Variants in FHOD3 observed in about 807,000 individuals in gnomAD.
FHOD3 encodes the protein formin homology 2 domain containing 3, also known as FH1/FH2 domain-containing protein 3.
Under a neutral mutation model 173.0 loss-of-function variants are expected in FHOD3, and 90 were observed. That is an observed-to-expected ratio of 0.52 (90% CI 0.44 to 0.62). The LOEUF (loss-of-function observed/expected upper bound fraction) is 0.62. FHOD3 is among the 20% of genes least tolerant of loss of function. The pLI, the probability that FHOD3 is intolerant of heterozygous loss-of-function variation, is 0.00. For missense variants in FHOD3, 1,945 were observed against 2,034.7 expected, an observed-to-expected ratio of 0.96 and a Z score of 0.85; for synonymous variants, 828 against 823.0, an observed-to-expected ratio of 1.01 and a Z score of -0.10.
intron 20 of FHOD3, among the ~76,000 whole-genome samples, chr18:36,734,358 A>G (rs1274037182): frequency 2.0e-5 from 3 of 152,176 alleles, no homozygotes; most frequent in Non-Finnish European, 2.9e-5. Flanking sequence ...GCCTCTACCC[A>G]TTAGATGCCA....
chr18:36,688,440 A>T (rs2149462540), intron 16 of FHOD3, among the ~76,000 whole-genome samples: 1 of 152,344 alleles, frequency 6.6e-6, no homozygotes, highest in Non-Finnish European at 1.5e-5. Flanking sequence ...CAACCTCTTA[A>T]ATAAAATGAT....
At chr18:36,564,195 C>T (rs895752443) in intron 5 of FHOD3, among the ~76,000 whole-genome samples, 1 of 152,208 alleles carries the variant, frequency 6.6e-6, no homozygotes, top group East Asian at 1.9e-4. Context: ...GTGGCTGTGA[C>T]CTGTTTTGGA....
intron 9 of FHOD3, 49 bp downstream of exon 9, chr18:36,612,144 C>A: frequency 6.3e-7 from 1 of 1,584,830 alleles, no homozygotes; most frequent in Non-Finnish European, 8.6e-7. Flanking sequence ...TGGCAATTGT[C>A]AAAGGCTGAG....
intron 6 of FHOD3, among the ~76,000 whole-genome samples, chr18:36,591,158 C>T (rs1241209061): frequency 6.6e-6 from 1 of 152,218 alleles, no homozygotes; most frequent in Non-Finnish European, 1.5e-5. Context: ...CTTCAACCTC[C>T]AACCGTGTAG....
chr18:36,467,253 C>T (rs538037577), intron 3 of FHOD3, among the ~76,000 whole-genome samples: 5 of 152,154 alleles, frequency 3.3e-5, no homozygotes, highest in African/African-American at 1.2e-4. Context: ...CCAGTCACCT[C>T]CTAGTAATTC....
chr18:36,297,953 G>T lies in FHOD3; in HGVS notation c.118G>T (p.Gly40Cys). ...LFTFREDLAL[G>C]TQLAGVHRLL... is the part of the protein sequence containing the mutation. ...CACGTTCCGCGAGGACCTCGCGCTC[G>T]GCACCCAGCTGGCGGGGGTCCATAG... Residue 40 changes from glycine to cysteine, a missense_variant, in exon 1 of 29, where the codon GGC becomes TGC. Coordinates refer to ENST00000590592, the MANE Select transcript of FHOD3 (RefSeq NM_001281740.3). 6.4e-7 allele frequency: 1 copy of T among 1,566,038 alleles called. No individual in the cohort carries two copies. The highest frequency in any genetic ancestry group is 1.9e-5 in the Admixed American group (1 of 53,936).
chr18:36,743,308 C>CAAAAAAAA (rs57694311), intron 22 of FHOD3, among the ~76,000 whole-genome samples: 1 of 65,874 alleles, frequency 1.5e-5, no homozygotes, highest in Non-Finnish European at 2.7e-5. Context: ...GACTCTGTCT[C>CAAAAAAAA]AAAAAAAAAA....
At chr18:36,420,921 C>G (rs1429640678) in intron 3 of FHOD3, among the ~76,000 whole-genome samples, 1 of 152,124 alleles carries the variant, frequency 6.6e-6, no homozygotes, top group African/African-American at 2.4e-5. Flanking sequence ...GCTGTTGACT[C>G]CTCAGTAGTG....
intron 1 of FHOD3, among the ~76,000 whole-genome samples, chr18:36,328,154 T>C (rs529215105): frequency 6.6e-6 from 1 of 152,292 alleles, no homozygotes; most frequent in East Asian, 1.9e-4. Flanking sequence ...AGGACAAAGT[T>C]CCTGACCGCA....
chr18:36,775,178 A>G (rs771526286), intron 28 of FHOD3, among the ~76,000 whole-genome samples: 10 of 152,206 alleles, frequency 6.6e-5, no homozygotes, highest in Non-Finnish European at 1.0e-4. Context: ...TGCTCCCAGT[A>G]CACCTGGTAG....
chr18:36,415,136 C>T (rs900736971), intron 3 of FHOD3, among the ~76,000 whole-genome samples: 1 of 152,150 alleles, frequency 6.6e-6, no homozygotes, highest in Non-Finnish European at 1.5e-5. Flanking sequence ...GTCGAGTGCC[C>T]ATTTTTCATG....
chr18:36,490,162 A>G (rs1233363909), intron 3 of FHOD3, among the ~76,000 whole-genome samples: 1 of 151,884 alleles, frequency 6.6e-6, no homozygotes, highest in Non-Finnish European at 1.5e-5. Flanking sequence ...AGGACCCTTT[A>G]CTCTCTACCA....
At chr18:36,504,633 A>G (rs1226142020) in intron 4 of FHOD3, among the ~76,000 whole-genome samples, 1 of 152,020 alleles carries the variant, frequency 6.6e-6, no homozygotes, top group Non-Finnish European at 1.5e-5. Flanking sequence ...TAGGAGATAT[A>G]CCTAATGCTA....
chr18:36,682,705 C>T (rs925126277), intron 15 of FHOD3, among the ~76,000 whole-genome samples: 2 of 152,162 alleles, frequency 1.3e-5, no homozygotes, highest in African/African-American at 4.8e-5. Flanking sequence ...GCTTCAGCCT[C>T]CCAAGTAGCT....
chr18:36,496,582 C>T (rs940760890), intron 3 of FHOD3, among the ~76,000 whole-genome samples: 5 of 152,072 alleles, frequency 3.3e-5, no homozygotes, highest in African/African-American at 9.7e-5. Flanking sequence ...CATTTTAAAC[C>T]ACAGTATTGT....
intron 5 of FHOD3, among the ~76,000 whole-genome samples, chr18:36,557,776 T>A (rs1298555832): frequency 6.6e-6 from 1 of 152,232 alleles, no homozygotes; most frequent in African/African-American, 2.4e-5. Context: ...TTTCACACAC[T>A]GTGACTTGTA....
chr18:36,507,488 A>G (rs1324304208), intron 4 of FHOD3, among the ~76,000 whole-genome samples: 1 of 152,208 alleles, frequency 6.6e-6, no homozygotes, highest in Admixed American at 6.5e-5. Context: ...CTCAAACTGT[A>G]TAGAACTTAA....
intron 17 of FHOD3, among the ~76,000 whole-genome samples, chr18:36,694,745 C>T (rs1409316557): frequency 6.6e-6 from 1 of 152,160 alleles, no homozygotes; most frequent in African/African-American, 2.4e-5. Flanking sequence ...TACAGAACAG[C>T]TCCGAGCTGA....
In FHOD3 at chr18:36,612,099, C is replaced by T; in HGVS notation, c.957+4C>T. The T allele has an allele frequency of 6.2e-7, 1 of 1,612,156 alleles. No homozygotes were observed. The highest frequency in any genetic ancestry group is 8.5e-7 in the Non-Finnish European group (1 of 1,179,306). On this transcript the variant is annotated splice_donor_region_variant and intron_variant, in intron 9 of 28. Transcript: ENST00000590592. ...GGAGCAACTCAACATTTATGAGGTA[C>T]CAGACCATGCCTTTTGTAAGGTATC...
Sources: gnomAD v4.1 joint callset for allele counts (sites outside exome capture counted in the v4.1 genomes callset) on GRCh38, gnomAD v4.1.1 for gene constraint, MANE v1.5 for transcripts, NCBI Gene and HGNC (gene_info 2026-07-23, HGNC 2026-07-21) for gene names.